Variants in SAMD8 observed in about 807,000 individuals in gnomAD.
SAMD8 encodes the protein sphingomyelin synthase-related protein 1.
A neutral mutation model predicts 42.0 loss-of-function variants in SAMD8; 20 were observed. That is an observed-to-expected ratio of 0.48 (90% CI 0.34 to 0.69). The LOEUF is 0.69. Among genes scored for constraint, SAMD8 ranks in the 30% least tolerant of loss-of-function variants. The probability of loss-of-function intolerance (pLI) is 0.01; values close to 1 mark genes in which losing one functional copy is unlikely to be tolerated. For missense variants in SAMD8, 328 were observed against 511.6 expected (o/e 0.64, Z 3.46); for synonymous variants, 162 against 173.0 (o/e 0.94, Z 0.50).
At position 75,111,663 on chromosome 10, in the gene SAMD8, G is replaced by C. The variant is rs1391724289; in HGVS notation, c.-75G>C. 2 of 1,240,132 alleles carry C rather than the reference G, an allele frequency of 1.6e-6. No homozygotes were observed. The highest frequency in any genetic ancestry group is 2.0e-6 in the Non-Finnish European group (2 of 992,490). The allele number at this position is 1,240,132 out of a possible 1,614,324, so 76.8% of individuals were successfully genotyped here. A position where few individuals can be genotyped will look rare whatever the true frequency, so the allele number is the denominator to read the frequency against. ...CGAGGCGGGGAGGGCCCCGGACTCC[G>C]ACGGCGGCTCGGACGCCGACTCGGA... On this transcript the variant is annotated 5_prime_UTR_variant, in exon 1 of 6. Transcript: ENST00000542569.
chr10:75,175,126 A>G (rs1000632944), intron 4 of SAMD8, among the ~76,000 whole-genome samples: 3 of 152,216 alleles, frequency 2.0e-5, no homozygotes, highest in African/African-American at 7.2e-5. Context: ...AAAGGTAAAA[A>G]GTTAGAAAAG....
chr10:75,148,078 A>T (rs1840185776), intron 1 of SAMD8, among the ~76,000 whole-genome samples: 1 of 152,168 alleles, frequency 6.6e-6, no homozygotes, highest in African/African-American at 2.4e-5. Context: ...GGTCAATAAT[A>T]TAAGTTCTTT....
intron 1 of SAMD8, among the ~76,000 whole-genome samples, chr10:75,122,994 G>A (rs904316568): frequency 2.6e-5 from 4 of 152,070 alleles, no homozygotes; most frequent in African/African-American, 9.7e-5. Flanking sequence ...ATATATTGCT[G>A]AATTCTGTTT....
In SAMD8 at chr10:75,176,792, A is replaced by G. The variant is rs981628887; in HGVS notation, c.*100A>G. 4.7e-6 allele frequency: 4 copies of G among 859,548 alleles called. No individual in the cohort carries two copies. The highest frequency in any genetic ancestry group is 7.0e-6 in the Non-Finnish European group (4 of 571,534). 53.2% of individuals were successfully genotyped at this position (859,548 alleles called of 1,614,324 possible). A position where few individuals can be genotyped will look rare whatever the true frequency, so the allele number is the denominator to read the frequency against. On this transcript the variant is annotated 3_prime_UTR_variant, in exon 6 of 6. Coordinates refer to ENST00000542569, the MANE Select transcript of SAMD8 (RefSeq NM_001174156.2). The surrounding 1 kb of genome is among the most constrained non-coding windows in gnomAD (Gnocchi z 4.3). The stretch of plus-strand genomic sequence containing the variant: ...TAGGTTGTTCTTAGATGCCTGGCTT[A>G]TGTGTTGACAAAGTAAAGTTTTCTG...
At chr10:75,153,225 G>A (rs1178793910) in intron 2 of SAMD8, among the ~76,000 whole-genome samples, 3 of 151,660 alleles carry the variant, frequency 2.0e-5, no homozygotes, top group Non-Finnish European at 4.4e-5. Flanking sequence ...CAAATGATCC[G>A]CCCACCTCAG....
At chr10:75,130,275 G>A (rs904212240) in intron 1 of SAMD8, among the ~76,000 whole-genome samples, 7 of 152,056 alleles carry the variant, frequency 4.6e-5, no homozygotes, top group Non-Finnish European at 8.8e-5. Flanking sequence ...GCCGAGGCAG[G>A]CAGATCACCT....
chr10:75,145,855 C>T (rs1328164198), intron 1 of SAMD8, among the ~76,000 whole-genome samples: 1 of 152,178 alleles, frequency 6.6e-6, no homozygotes, highest in Non-Finnish European at 1.5e-5. Flanking sequence ...GTGTACTCTA[C>T]CCAAAGCTGT....
At chr10:75,148,931 A>G (rs929006564) in intron 1 of SAMD8, among the ~76,000 whole-genome samples, 19 of 152,218 alleles carry the variant, frequency 1.2e-4, no homozygotes, top group Non-Finnish European at 1.5e-5. Context: ...ATGAATTTTC[A>G]CAAAAGGAAC....
intron 1 of SAMD8, among the ~76,000 whole-genome samples, chr10:75,149,427 A>G (rs966680218): frequency 2.0e-5 from 3 of 152,204 alleles, no homozygotes; most frequent in Admixed American, 6.5e-5. Flanking sequence ...TCTTTTAAAA[A>G]TTTTATTGCT....
At position 75,172,561 on chromosome 10, in the gene SAMD8, G is replaced by A. The variant is rs188251763; in HGVS notation, c.793-3505G>A. Among the ~76,000 whole-genome samples the A allele has an allele frequency of 5.9e-5, 9 of 151,446 alleles. No homozygotes were observed. In the East Asian group the frequency reaches 1.8e-3, roughly 30 times the overall value. ...CGCCCCGGCTAGCGTGCGGTGGTGC[G>A]ATCTTGGCTTACTGCATCCTCCACC... On this transcript the variant is annotated intron_variant, in intron 4 of 5. Transcript: ENST00000542569.
chr10:75,156,952 A>G (rs540728108), intron 2 of SAMD8, among the ~76,000 whole-genome samples: 3 of 152,284 alleles, frequency 2.0e-5, no homozygotes, highest in Admixed American at 6.5e-5. Flanking sequence ...GTGTAATAGT[A>G]TATTGGGTTA....
intron 1 of SAMD8, 29 bp downstream of exon 1, chr10:75,111,751 G>T: frequency 8.9e-6 from 11 of 1,233,300 alleles, no homozygotes; most frequent in Non-Finnish European, 1.1e-5. Flanking sequence ...TGAGGAGAGG[G>T]GAGCTTGGGG....
intron 1 of SAMD8, among the ~76,000 whole-genome samples, chr10:75,114,303 T>G (rs954205018): frequency 6.8e-6 from 1 of 146,820 alleles, no homozygotes; most frequent in Non-Finnish European, 1.5e-5. Flanking sequence ...ACCACTGCAC[T>G]CCAGCCTGGG....
intron 1 of SAMD8, among the ~76,000 whole-genome samples, chr10:75,131,409 A>G (rs907110684): frequency 3.9e-5 from 6 of 152,182 alleles, no homozygotes; most frequent in Non-Finnish European, 7.3e-5. Context: ...TAGTTTAAGC[A>G]TATACACAGA....
chr10:75,164,386 C>CTT (rs201084641), intron 2 of SAMD8: 1,201 of 268,942 alleles, frequency 4.5e-3, no homozygotes, highest in Non-Finnish European at 5.6e-3. Context: ...GTTGCCACTT[C>CTT]TTTTTTTTTT....
intron 1 of SAMD8, chr10:75,125,394 C>T (rs1849107883): frequency 6.6e-6 from 1 of 152,420 alleles, no homozygotes; most frequent in African/African-American, 2.4e-5. Flanking sequence ...GGGAGGATCA[C>T]TTGAGCCCAG....
intron 1 of SAMD8, among the ~76,000 whole-genome samples, chr10:75,144,668 G>A (rs1278853127): frequency 6.6e-6 from 1 of 151,304 alleles, no homozygotes; most frequent in Non-Finnish European, 1.5e-5. Flanking sequence ...TCTTTTCATT[G>A]TTTTTTTGAG....
chr10:75,115,385 C>A (rs920512066), intron 1 of SAMD8, among the ~76,000 whole-genome samples: 2 of 152,250 alleles, frequency 1.3e-5, no homozygotes, highest in East Asian at 3.9e-4. Context: ...AAGATGTTAA[C>A]TAAAAATAGG....
At chr10:75,107,860 A>T (rs1369197076), upstream of SAMD8, 11 of 1,127,094 alleles carry the variant, frequency 9.8e-6, no homozygotes, top group South Asian at 7.9e-5. Context: ...TACAAGCATG[A>T]GCCACCACAC....
Sources: gnomAD v4.1 joint callset for allele counts (sites outside exome capture counted in the v4.1 genomes callset) on GRCh38, gnomAD v4.1.1 for gene constraint, Gnocchi (gnomAD v3.1) non-coding constraint, MANE v1.5 for transcripts, NCBI Gene and HGNC (gene_info 2026-07-23, HGNC 2026-07-21) for gene names.